ERO1A: variants seen among roughly 807,000 people sequenced by gnomAD.
The protein encoded by ERO1A is endoplasmic reticulum oxidoreductase 1 alpha, also known as ERO1-like protein alpha.
A neutral mutation model predicts 76.9 loss-of-function variants in ERO1A; 49 were observed. That is an observed-to-expected ratio of 0.64 (90% CI 0.51 to 0.81). ERO1A has a LOEUF of 0.81. ERO1A is among the 30% of genes least tolerant of loss of function. ERO1A has a pLI of 0.00. For missense variants in ERO1A, 448 were observed against 542.1 expected (o/e 0.83, Z 1.72); for synonymous variants, 174 against 181.2 (o/e 0.96, Z 0.32).
At chr14:52,687,881 C>T (rs2041229063) in intron 1 of ERO1A, among the ~76,000 whole-genome samples, 1 of 152,084 alleles carries the variant, frequency 6.6e-6, no homozygotes, top group Non-Finnish European at 1.5e-5. Context: ...GTAACATGGA[C>T]CACTTCAAAA....
intron 4 of ERO1A, among the ~76,000 whole-genome samples, chr14:52,673,971 A>G (rs144096595): frequency 6.6e-6 from 1 of 152,314 alleles, no homozygotes; most frequent in Non-Finnish European, 1.5e-5. Context: ...TTATTTGTAT[A>G]TTTTTATTAC....
intron 4 of ERO1A, among the ~76,000 whole-genome samples, chr14:52,674,279 T>A (rs979836458): frequency 2.6e-5 from 4 of 152,204 alleles, no homozygotes; most frequent in Admixed American, 1.3e-4. Flanking sequence ...CACTGTAACC[T>A]GGACATTGGG....
intron 13 of ERO1A, among the ~76,000 whole-genome samples, chr14:52,649,475 A>G (rs2039778877): frequency 1.3e-5 from 2 of 152,164 alleles, no homozygotes; most frequent in Admixed American, 6.5e-5. Flanking sequence ...CTTTCCTGTA[A>G]AAGATTCAGA....
intron 3 of ERO1A, among the ~76,000 whole-genome samples, chr14:52,680,537 A>G (rs762928519): frequency 8.5e-5 from 13 of 152,228 alleles, no homozygotes; most frequent in Non-Finnish European, 1.5e-4. Context: ...ATTAATAAAA[A>G]GCTCATTTAA....
chr14:52,662,288 T>A (rs898919177), intron 8 of ERO1A, among the ~76,000 whole-genome samples: 1 of 152,216 alleles, frequency 6.6e-6, no homozygotes, highest in Admixed American at 6.5e-5. Flanking sequence ...GCATTTCATC[T>A]GATATTAAAT....
chr14:52,687,041 C>T (rs2041200396), intron 1 of ERO1A, among the ~76,000 whole-genome samples: 1 of 152,132 alleles, frequency 6.6e-6, no homozygotes, highest in South Asian at 2.1e-4. Flanking sequence ...AAATCCATGC[C>T]ATCTGACAAC....
chr14:52,651,198 G>C (rs1409994078), intron 13 of ERO1A, among the ~76,000 whole-genome samples: 1 of 151,972 alleles, frequency 6.6e-6, no homozygotes, highest in Non-Finnish European at 1.5e-5. Flanking sequence ...TGAGGTGGGA[G>C]GATCGCTTGA....
At chr14:52,677,422 G>A (rs1206683446) in intron 4 of ERO1A, among the ~76,000 whole-genome samples, 1 of 152,080 alleles carries the variant, frequency 6.6e-6, no homozygotes, top group Admixed American at 6.5e-5. Flanking sequence ...AAATGCACCT[G>A]ACTAGTACTA....
Position 52,695,535 on chromosome 14 carries a change from G to T in ERO1A, c.-54C>A. 1 of 1,296,578 alleles carries T rather than the reference G, an allele frequency of 7.7e-7. No homozygotes were observed. 80.3% of individuals were successfully genotyped at this position (1,296,578 alleles called of 1,614,324 possible). A position where few individuals can be genotyped will look rare whatever the true frequency, so the allele number is the denominator to read the frequency against. The stretch of plus-strand genomic sequence containing the variant: ...CTTGGGAGGCCAGTCCGCACGCTCG[G>T]TCGCGGGCCGTGCGCCCTCAGATGA... On this transcript the variant is annotated 5_prime_UTR_variant, in exon 1 of 16. Coordinates refer to ENST00000395686, the MANE Select transcript of ERO1A (RefSeq NM_014584.3).
intron 3 of ERO1A, 109 bp from the exon 4 acceptor site, chr14:52,678,581 T>C (rs1262643741): frequency 2.1e-6 from 2 of 975,196 alleles, no homozygotes; most frequent in Non-Finnish European, 3.1e-6. Flanking sequence ...ATTATCGAAG[T>C]TGGATTTTTT....
At chr14:52,693,413 T>G (rs2041424810) in intron 1 of ERO1A, among the ~76,000 whole-genome samples, 1 of 152,216 alleles carries the variant, frequency 6.6e-6, no homozygotes, top group African/African-American at 2.4e-5. Flanking sequence ...GTTTCGGAAC[T>G]CAGACTGGCT....
chr14:52,678,691 C>G (rs1167233078), intron 3 of ERO1A, among the ~76,000 whole-genome samples: 1 of 152,158 alleles, frequency 6.6e-6, no homozygotes, highest in African/African-American at 2.4e-5. Flanking sequence ...TATATTACAG[C>G]AAGGAGATGT....
chr14:52,656,923 G>A (rs2040069914), intron 11 of ERO1A, among the ~76,000 whole-genome samples: 1 of 152,046 alleles, frequency 6.6e-6, no homozygotes, highest in Admixed American at 6.6e-5. Context: ...AAATTAGCTG[G>A]ACATGGTGGC....
chr14:52,643,315 C>T lies in ERO1A; in HGVS notation c.*255G>A. 4.7e-6 allele frequency: 1 copy of T among 214,474 alleles called. No homozygotes were observed. Among genetic ancestry groups the T allele is most frequent in the Non-Finnish European group, 8.6e-6 (1 of 115,658 alleles). The allele number at this position is 214,474 out of a possible 1,614,324, so 13.3% of individuals were successfully genotyped here. The stretch of plus-strand genomic sequence containing the variant: ...TTTATCATATATGAATTTGATAATC[C>T]TCCTTTTATTCAATATTAAACTTTA... On this transcript the variant is annotated 3_prime_UTR_variant, in exon 16 of 16. Transcript: ENST00000395686.
At chr14:52,684,117 T>TCACACACACA (rs2041093341) in intron 1 of ERO1A, among the ~76,000 whole-genome samples, 1 of 78,134 alleles carries the variant, frequency 1.3e-5, no homozygotes, top group African/African-American at 4.9e-5. Flanking sequence ...GCAGAGCTCA[T>TCACACACACA]GACACACACA....
rs2039548959 is a variant in ERO1A at position 52,643,646 on chromosome 14, A to G, written c.1347-16T>C. 7.3e-7 allele frequency: 1 copy of G among 1,371,368 alleles called. No homozygotes were observed. Among genetic ancestry groups the G allele is most frequent in the South Asian group, 1.5e-5 (1 of 67,598 alleles). 84.9% of individuals were successfully genotyped at this position (1,371,368 alleles called of 1,614,324 possible). On this transcript the variant is annotated splice_polypyrimidine_tract_variant and intron_variant, in intron 15 of 15. Coordinates refer to ENST00000395686, the MANE Select transcript of ERO1A (RefSeq NM_014584.3). ...TGTAGAAATTCTGTAACCAAAAAAT[A>G]TTTCACTCAGAAACCATCTTAGATA...
At chr14:52,691,268 A>G (rs995784017) in intron 1 of ERO1A, among the ~76,000 whole-genome samples, 6 of 152,252 alleles carry the variant, frequency 3.9e-5, no homozygotes, top group African/African-American at 1.4e-4. Context: ...AAGCAGGGAA[A>G]TACCAAAGAT....
At chr14:52,664,017 G>T in intron 7 of ERO1A, 170 bp from the exon 8 acceptor site, 1 of 475,972 alleles carries the variant, frequency 2.1e-6, no homozygotes, top group Non-Finnish European at 3.8e-6. Flanking sequence ...GCTATTTGTT[G>T]TAGTGATAAT....
At chr14:52,685,439 G>A (rs2041147231) in intron 1 of ERO1A, among the ~76,000 whole-genome samples, 1 of 152,160 alleles carries the variant, frequency 6.6e-6, no homozygotes, top group Admixed American at 6.5e-5. Context: ...ACAACACAAA[G>A]TACTTCTAAC....
Sources: gnomAD v4.1 joint callset for allele counts (sites outside exome capture counted in the v4.1 genomes callset) on GRCh38, gnomAD v4.1.1 for gene constraint, MANE v1.5 for transcripts, NCBI Gene and HGNC (gene_info 2026-07-23, HGNC 2026-07-21) for gene names.